The following ZNF76 variants were observed in gnomAD, a reference collection of about 807,000 sequenced individuals.
ZNF76 encodes zinc finger protein 523.
A neutral mutation model predicts 66.9 loss-of-function variants in ZNF76; 66 were observed. The observed-to-expected ratio is 0.99, with a 90% confidence interval of 0.81 to 1.21. The LOEUF is 1.21. Among genes scored for constraint, ZNF76 ranks in the 50% most tolerant of loss-of-function variants. ZNF76 has a pLI of 0.00. For synonymous variants in ZNF76, 275 were observed against 296.1 expected, an observed-to-expected ratio of 0.93 and a Z score of 0.73; for missense variants, 729 against 760.3, an observed-to-expected ratio of 0.96 and a Z score of 0.48.
At chr6:35,281,502 G>T (rs574396824) in intron 2 of ZNF76, among the ~76,000 whole-genome samples, 1 of 152,332 alleles carries the variant, frequency 6.6e-6, no homozygotes, top group East Asian at 1.9e-4. Context: ...TTTCTGGAAT[G>T]AACACAGTGT....
At chr6:35,290,423 C>G (rs1790207154) in intron 6 of ZNF76, 41 bp downstream of exon 6, 2 of 1,605,380 alleles carry the variant, frequency 1.2e-6, no homozygotes, top group East Asian at 4.5e-5. Context: ...TGCAGTCTTC[C>G]CTCCCAGGCT....
chr6:35,260,705 C>T (rs888813696), intron 1 of ZNF76, among the ~76,000 whole-genome samples: 1 of 152,188 alleles, frequency 6.6e-6, no homozygotes, highest in Non-Finnish European at 1.5e-5. Flanking sequence ...AAGTCCCCTC[C>T]TCAGTCTGGA....
rs911695181 is a variant in ZNF76, at chr6:35,276,339, C to T, written c.-96-4717C>T. On this transcript the variant is annotated intron_variant, in intron 1 of 13. Coordinates refer to ENST00000373953, the MANE Select transcript of ZNF76 (RefSeq NM_003427.5). ...GTAGACTTCTAGTCCAGGGTGGTTG[C>T]CACTAGTCCTAGCTGTTTTAGGACT... Among the ~76,000 whole-genome samples, 5 of 152,170 alleles carry T rather than the reference C, an allele frequency of 3.3e-5. No homozygotes were observed. The East Asian group carries it at 5.8e-4, about 18-fold the overall frequency.
At chr6:35,293,137 T>A in intron 11 of ZNF76, 93 bp downstream of exon 11, 2 of 1,442,876 alleles carry the variant, frequency 1.4e-6, no homozygotes, top group Non-Finnish European at 1.9e-6. Context: ...ACAGCCCCAC[T>A]GCCACCCAGC....
In ZNF76 at chr6:35,292,646, T is replaced by A; in HGVS notation, c.1024T>A (p.Cys342Ser). The change falls in exon 10 of 14, where the codon TGC becomes AGC. Residue 342 changes from cysteine (C) to serine (S), a missense_variant. Cys to Ser is a moderately radical substitution (Grantham distance 112). Coordinates refer to ENST00000373953, the MANE Select transcript of ZNF76 (RefSeq NM_003427.5). The surrounding 1 kb of genome is among the most constrained non-coding windows in gnomAD (Gnocchi z 4.7). ...LYKHHVVHTH[C>S]KPYTCSTCGK... is the part of the protein sequence containing the mutation. ...TAAGCACCACGTGGTGCACACACACTGCAAGCCCTACACCTGCAGCACCTG... is the reference window on the plus strand; with the variant it reads ...TAAGCACCACGTGGTGCACACACACAGCAAGCCCTACACCTGCAGCACCTG... 1 of 1,614,042 alleles carries A rather than the reference T, an allele frequency of 6.2e-7. No individual in the cohort carries two copies. The highest frequency in any genetic ancestry group is 8.5e-7 in the Non-Finnish European group (1 of 1,180,028).
At chr6:35,286,251 G>C (rs1582152031) in intron 3 of ZNF76, 43 bp downstream of exon 3, 1 of 1,613,594 alleles carries the variant, frequency 6.2e-7, no homozygotes. Context: ...AGGGAAGCCT[G>C]ACAGCCCCCA....
At chr6:35,266,666 A>C (rs527396790) in intron 1 of ZNF76, among the ~76,000 whole-genome samples, 1 of 152,104 alleles carries the variant, frequency 6.6e-6, no homozygotes, top group Non-Finnish European at 1.5e-5. Flanking sequence ...TGGGAAGAAC[A>C]CTGGTGGTCA....
Position 35,292,602 on chromosome 6 carries a change from C to G in ZNF76, c.980C>G (p.Thr327Ser), listed in dbSNP as rs746363363. ...CTVPGCGKRF[T>S]EYSSLYKHHV... The stretch of plus-strand genomic sequence containing the variant: ...GTGCCAGGCTGCGGGAAACGCTTCA[C>G]CGAGTACTCGAGCTTGTATAAGCAC... Residue 327 changes from threonine to serine, a missense_variant, in exon 10 of 14, where the codon ACC (threonine) becomes AGC (serine). Physicochemically the swap from Thr to Ser is moderately conservative, Grantham distance 58 (BLOSUM62 1). Coordinates refer to ENST00000373953, the MANE Select transcript of ZNF76 (RefSeq NM_003427.5). This position sits in a 1 kb window ranked among gnomAD's most constrained non-coding sequence, Gnocchi z 4.7. 6.2e-7 allele frequency: 1 copy of G among 1,613,716 alleles called. No homozygotes were observed. Among genetic ancestry groups the G allele is most frequent in the Non-Finnish European group, 8.5e-7 (1 of 1,180,050 alleles).
intron 1 of ZNF76, among the ~76,000 whole-genome samples, chr6:35,263,373 G>T (rs1014513171): frequency 6.6e-6 from 1 of 152,136 alleles, no homozygotes; most frequent in African/African-American, 2.4e-5. Context: ...GCTTCTGCAG[G>T]CACTGAATTA....
At chr6:35,268,137 G>A (rs1270497445) in intron 1 of ZNF76, among the ~76,000 whole-genome samples, 1 of 152,156 alleles carries the variant, frequency 6.6e-6, no homozygotes, top group African/African-American at 2.4e-5. Context: ...TCTTTGTTAG[G>A]TGCTAATTAG....
chr6:35,267,443 C>T (rs1036334079), intron 1 of ZNF76, among the ~76,000 whole-genome samples: 3 of 152,144 alleles, frequency 2.0e-5, no homozygotes, highest in Non-Finnish European at 4.4e-5. Flanking sequence ...TCAGCCCCTC[C>T]TATTGTGGGA....
At position 35,292,307 on chromosome 6, in the gene ZNF76, T is replaced by C; in HGVS notation, c.932-247T>C. The C allele has an allele frequency of 2.0e-6, 1 of 496,250 alleles. No individual in the cohort carries two copies. The highest frequency in any genetic ancestry group is 3.7e-6 in the Non-Finnish European group (1 of 269,448). The allele number at this position is 496,250 out of a possible 1,614,324, so 30.7% of individuals were successfully genotyped here. ...CAGTGCCCCCTACCAGCCCCTTCAC[T>C]AGCCCCAGCCTTGCCCTGTCCCCCG... On this transcript the variant is annotated intron_variant, in intron 9 of 13. Transcript: ENST00000373953. This position sits in a 1 kb window ranked among gnomAD's most constrained non-coding sequence, Gnocchi z 4.7.
chr6:35,290,614 G>A, intron 6 of ZNF76, 27 bp from the exon 7 acceptor site: 1 of 1,613,790 alleles, frequency 6.2e-7, no homozygotes, highest in South Asian at 1.1e-5. Flanking sequence ...TTGCTCCTCT[G>A]AATTATGTGA....
At chr6:35,271,693 A>C (rs4713847) in intron 1 of ZNF76, among the ~76,000 whole-genome samples, 4 of 148,578 alleles carry the variant, frequency 2.7e-5, no homozygotes, top group Non-Finnish European at 4.5e-5. Flanking sequence ...AAGAAAAAAA[A>C]ATATATATAG....
Position 35,286,311 on chromosome 6 carries a change from T to C in ZNF76, c.155-11T>C, listed in dbSNP as rs1231980081. The C allele has an allele frequency of 1.9e-6, 3 of 1,614,128 alleles. No homozygotes were observed. The highest frequency in any genetic ancestry group is 2.5e-6 in the Non-Finnish European group (3 of 1,180,012). On this transcript the variant is annotated splice_polypyrimidine_tract_variant and intron_variant, in intron 3 of 13. Coordinates refer to ENST00000373953, the MANE Select transcript of ZNF76 (RefSeq NM_003427.5). The stretch of plus-strand genomic sequence containing the variant: ...AGCTCCAGGGAAAGGCAGGCATTGC[T>C]CTCGTTACAGAAGCTCTCTCCTTTG...
chr6:35,289,170 T>C (rs1404535598), intron 5 of ZNF76, among the ~76,000 whole-genome samples: 1 of 152,120 alleles, frequency 6.6e-6, no homozygotes, highest in Non-Finnish European at 1.5e-5. Context: ...CCTCAGCTTA[T>C]TCCTAATATG....
At chr6:35,266,017 A>G (rs1462609383) in intron 1 of ZNF76, among the ~76,000 whole-genome samples, 1 of 152,142 alleles carries the variant, frequency 6.6e-6, no homozygotes, top group Non-Finnish European at 1.5e-5. Flanking sequence ...TAAACAAGAG[A>G]AGTTGGTGGC....
chr6:35,275,028 G>C (rs559265310), intron 1 of ZNF76, among the ~76,000 whole-genome samples: 115 of 152,178 alleles, frequency 7.6e-4, no homozygotes, highest in African/African-American at 2.6e-3. Flanking sequence ...GGTGGTGCAT[G>C]CCTGTAATCC....
At chr6:35,271,090 A>G (rs900017778) in intron 1 of ZNF76, among the ~76,000 whole-genome samples, 3 of 152,240 alleles carry the variant, frequency 2.0e-5, no homozygotes, top group African/African-American at 7.2e-5. Flanking sequence ...TCTACGTAGT[A>G]TGGAAGTTTG....
Sources: gnomAD v4.1 joint callset for allele counts (sites outside exome capture counted in the v4.1 genomes callset) on GRCh38, gnomAD v4.1.1 for gene constraint, Gnocchi (gnomAD v3.1) non-coding constraint, MANE v1.5 for transcripts, NCBI Gene and HGNC (gene_info 2026-07-23, HGNC 2026-07-21) for gene names.